NBAS: variants seen among roughly 807,000 people sequenced by gnomAD.
NBAS encodes NBAS subunit of NRZ tethering complex.
Under a neutral mutation model 302.5 loss-of-function variants are expected in NBAS, and 219 were observed. The observed-to-expected ratio is 0.72, with a 90% CI of 0.65 to 0.81. The LOEUF is 0.81. Among genes scored for constraint, NBAS ranks in the 30% least tolerant of loss-of-function variants. The probability of loss-of-function intolerance (pLI) is 0.00; values close to 1 mark genes in which losing one functional copy is unlikely to be tolerated. For synonymous variants in NBAS, 1,118 were observed against 1,021.6 expected, an observed-to-expected ratio of 1.09 and a Z score of -1.80; for missense variants, 2,932 against 2,841.6, an observed-to-expected ratio of 1.03 and a Z score of -0.72.
At chr2:14,845,621 A>G in the NBAS span, among the ~76,000 whole-genome samples, 1 of 152,248 alleles carries the variant, frequency 6.6e-6, no homozygotes, top group Non-Finnish European at 1.5e-5. Flanking sequence ...CAGAAAATTT[A>G]AAATAGCTGT....
the NBAS span, among the ~76,000 whole-genome samples, chr2:14,910,637 A>G: frequency 6.6e-6 from 1 of 152,176 alleles, no homozygotes; most frequent in Non-Finnish European, 1.5e-5. Context: ...TTTGAGTTTC[A>G]TGGTTGGGCA....
At chr2:15,008,000 T>C in the NBAS span, among the ~76,000 whole-genome samples, 1 of 152,328 alleles carries the variant, frequency 6.6e-6, no homozygotes, top group East Asian at 1.9e-4. Flanking sequence ...CATGACATAA[T>C]TTGGTCCCTC....
chr2:14,865,509 G>A, the NBAS span, among the ~76,000 whole-genome samples: 2 of 152,142 alleles, frequency 1.3e-5, no homozygotes, highest in African/African-American at 2.4e-5. Flanking sequence ...AAAGACAGGG[G>A]AAGCTTAATT....
chr2:14,808,551 T>C, the NBAS span, among the ~76,000 whole-genome samples: 1 of 152,196 alleles, frequency 6.6e-6, no homozygotes, highest in African/African-American at 2.4e-5. Flanking sequence ...CCTACTGCCA[T>C]TGATGTAAGA....
chr2:14,902,285 C>T, the NBAS span, among the ~76,000 whole-genome samples: 1 of 152,188 alleles, frequency 6.6e-6, no homozygotes, highest in African/African-American at 2.4e-5. Context: ...GCATGCGCCA[C>T]CATACTCAGC....
chr2:14,873,530 T>C, the NBAS span, among the ~76,000 whole-genome samples: 1 of 152,198 alleles, frequency 6.6e-6, no homozygotes, highest in Non-Finnish European at 1.5e-5. Flanking sequence ...ATATGCATGC[T>C]TGTGCACATA....
At chr2:15,208,942 T>A (rs1300385972) in intron 48 of NBAS, among the ~76,000 whole-genome samples, 1 of 151,708 alleles carries the variant, frequency 6.6e-6, no homozygotes, top group Non-Finnish European at 1.5e-5. Context: ...AAGGATATAA[T>A]GAAGATCAGA....
chr2:15,427,761 C>T lies in NBAS; in HGVS notation c.2373G>A (p.Trp791Ter), dbSNP rs927816752. Residue 791 changes from tryptophan (W) to a stop codon, truncating the protein, a stop_gained, in exon 22 of 52, where the codon TGG becomes TGA. Coordinates refer to ENST00000281513, the MANE Select transcript of NBAS (RefSeq NM_015909.4). LOFTEE classifies it high-confidence loss of function. ...FNGDSLMIIP[W>*]HEHKHRAKDW... is the part of the protein sequence containing the mutation. ...CTTTAGCTCGGTGTTTATGTTCATG[C>T]CAAGGAATGATCATCAGGGAGTCAC... is the stretch of plus-strand genomic sequence containing the variant. 6.2e-7 allele frequency: 1 copy of T among 1,613,198 alleles called. No homozygotes were observed. The highest frequency in any genetic ancestry group is 8.5e-7 in the Non-Finnish European group (1 of 1,179,730).
At chr2:15,103,878 A>G in the NBAS span, among the ~76,000 whole-genome samples, 3 of 152,138 alleles carry the variant, frequency 2.0e-5, no homozygotes, top group Non-Finnish European at 2.9e-5. Context: ...GCGTAAGTCT[A>G]TTATTATTGA....
intron 38 of NBAS, among the ~76,000 whole-genome samples, chr2:15,323,347 C>G (rs1377949236): frequency 6.6e-6 from 1 of 152,134 alleles, no homozygotes; most frequent in Non-Finnish European, 1.5e-5. Flanking sequence ...AGATGTGGTA[C>G]TCAGAGTTTG....
chr2:15,330,565 A>G (rs1264878547), intron 36 of NBAS, 33 bp downstream of exon 36: 1 of 1,612,342 alleles, frequency 6.2e-7, no homozygotes, highest in South Asian at 1.1e-5. Context: ...TAAACCATGC[A>G]GTTGATTTTA....
At chr2:15,271,386 T>C (rs941149341) in intron 44 of NBAS, among the ~76,000 whole-genome samples, 3 of 152,204 alleles carry the variant, frequency 2.0e-5, no homozygotes, top group African/African-American at 7.2e-5. Context: ...ATTTTTCTGC[T>C]ACAATCCAAA....
At chr2:15,326,817 G>A (rs899261346) in intron 38 of NBAS, among the ~76,000 whole-genome samples, 1 of 152,050 alleles carries the variant, frequency 6.6e-6, no homozygotes, top group African/African-American at 2.4e-5. Flanking sequence ...AGTGTTCAAG[G>A]GACCCGCACA....
chr2:14,782,470 G>T, the NBAS span, among the ~76,000 whole-genome samples: 1 of 152,194 alleles, frequency 6.6e-6, no homozygotes, highest in Non-Finnish European at 1.5e-5. Flanking sequence ...ATGCTGGCAA[G>T]GTTGCAGAGA....
intron 44 of NBAS, among the ~76,000 whole-genome samples, chr2:15,258,223 T>C (rs1027986559): frequency 6.6e-6 from 1 of 152,200 alleles, no homozygotes; most frequent in Non-Finnish European, 1.5e-5. Flanking sequence ...GCTGAGGATG[T>C]ACCTCACCTC....
the NBAS span, among the ~76,000 whole-genome samples, chr2:14,973,494 A>G: frequency 2.0e-5 from 3 of 152,248 alleles, no homozygotes; most frequent in African/African-American, 4.8e-5. Flanking sequence ...TTTGATAGAT[A>G]TAAGTAAAGC....
chr2:15,194,851 T>C (rs989676360), intron 48 of NBAS, among the ~76,000 whole-genome samples: 1 of 152,104 alleles, frequency 6.6e-6, no homozygotes, highest in Non-Finnish European at 1.5e-5. Context: ...TACTGAACGA[T>C]CTAGCCACTA....
At chr2:14,909,195 C>T in the NBAS span, among the ~76,000 whole-genome samples, 10 of 151,696 alleles carry the variant, frequency 6.6e-5, no homozygotes, top group South Asian at 6.3e-4. Context: ...TGGCGGGCAT[C>T]TGTAGTCCCA....
intron 51 of NBAS, among the ~76,000 whole-genome samples, chr2:15,177,647 A>T (rs1664612542): frequency 6.6e-6 from 1 of 152,204 alleles, no homozygotes; most frequent in Non-Finnish European, 1.5e-5. Context: ...AAAAAAATGC[A>T]CTGAGAATAT....
Sources: allele counts gnomAD v4.1 joint callset (sites outside exome capture counted in the v4.1 genomes callset), GRCh38; gene constraint gnomAD v4.1.1; transcripts MANE v1.5; gene names NCBI Gene and HGNC (gene_info 2026-07-23, HGNC 2026-07-21).